NCKAP5: variants seen among roughly 807,000 people sequenced by gnomAD.
The protein encoded by NCKAP5 is nck-associated protein 5.
In NCKAP5, 92 loss-of-function variants were observed where a neutral mutation model predicts 167.0. The ratio of observed to expected loss-of-function variants is 0.55; its 90% CI spans 0.47 to 0.66. The LOEUF (loss-of-function observed/expected upper bound fraction) is 0.66. Ranked by LOEUF, NCKAP5 falls within the 30% of genes least tolerant of loss-of-function variation. NCKAP5 has a pLI of 0.00. For synonymous variants in NCKAP5, 891 were observed against 877.4 expected, an observed-to-expected ratio of 1.02 and a Z score of -0.27; for missense variants, 2,378 against 2,315.0, an observed-to-expected ratio of 1.03 and a Z score of -0.56.
intron 3 of NCKAP5, among the ~76,000 whole-genome samples, chr2:133,371,827 G>T (rs780642296): frequency 6.6e-6 from 1 of 151,864 alleles, no homozygotes; most frequent in Non-Finnish European, 1.5e-5. Flanking sequence ...TTCCTTACTG[G>T]GCTTCCTCTT....
intron 3 of NCKAP5, among the ~76,000 whole-genome samples, chr2:133,499,656 T>A (rs1378934324): frequency 6.6e-6 from 1 of 152,126 alleles, no homozygotes. Flanking sequence ...GCCTCCCGGG[T>A]TCAAGTGATT....
At chr2:133,468,397 C>A (rs1359364625) in intron 3 of NCKAP5, among the ~76,000 whole-genome samples, 2 of 149,832 alleles carry the variant, frequency 1.3e-5, no homozygotes, top group African/African-American at 5.0e-5. Flanking sequence ...AATTTCTGTT[C>A]TTTTACATTT....
At chr2:133,342,582 G>T (rs1327608778) in intron 3 of NCKAP5, among the ~76,000 whole-genome samples, 2 of 152,084 alleles carry the variant, frequency 1.3e-5, no homozygotes, top group Non-Finnish European at 1.5e-5. Context: ...TTTTCCAGAG[G>T]TATTTTGTTC....
Position 133,533,180 on chromosome 2 carries a change from G to C in NCKAP5, c.-61-15593C>G, listed in dbSNP as rs566063895. On this transcript the variant is annotated intron_variant, in intron 2 of 19. Transcript: ENST00000409261. Reference sequence around the variant, plus strand: ...TATGTTGGGAAGGTAACGTAAATGCGTGAAGCCGCCCCTGGGAGCTGTGCC... The same window carrying C: ...TATGTTGGGAAGGTAACGTAAATGCCTGAAGCCGCCCCTGGGAGCTGTGCC... Among the ~76,000 whole-genome samples, 64 of 152,332 alleles carry C rather than the reference G, an allele frequency of 4.2e-4. 1 individual carries two copies. The South Asian group carries it at 0.013, about 31-fold the overall frequency.
chr2:132,976,348 A>G (rs2076976133), intron 7 of NCKAP5, among the ~76,000 whole-genome samples: 2 of 152,110 alleles, frequency 1.3e-5, no homozygotes, highest in Admixed American at 1.3e-4. Context: ...GTGGATCATG[A>G]GGTCAGGAGT....
At chr2:132,794,971 A>C (rs544190959) in intron 12 of NCKAP5, among the ~76,000 whole-genome samples, 1 of 152,284 alleles carries the variant, frequency 6.6e-6, no homozygotes, top group East Asian at 1.9e-4. Flanking sequence ...AAGAGAACTG[A>C]AGGGGGCCAA....
rs117693477 is a variant in NCKAP5 at position 133,489,000 on chromosome 2, G to T, written c.69+28458C>A. Reference sequence around the variant, plus strand: ...GCTACTTGGGGAGCTAAGGCAGGAGGATCATTTGAGACTAGGAGTTTGAGG... The same window carrying T: ...GCTACTTGGGGAGCTAAGGCAGGAGTATCATTTGAGACTAGGAGTTTGAGG... On this transcript the variant is annotated intron_variant, in intron 3 of 19. Transcript: ENST00000409261. Among the ~76,000 whole-genome samples, 317 of 152,234 alleles carry T rather than the reference G, an allele frequency of 2.1e-3. 7 individuals carry two copies. In the East Asian group the frequency reaches 0.049, roughly 24 times the overall value.
In NCKAP5 at chr2:132,783,561, C is replaced by A. The variant is rs772825378; in HGVS notation, c.3250G>T (p.Val1084Leu). The A allele has an allele frequency of 6.8e-6, 11 of 1,613,814 alleles. No individual in the cohort carries two copies. Reference sequence around the variant, plus strand: ...AATTGTCCTTTTCTCCCTGGAGATACACTTTTGGAGGACGTCATTTCCAGT... The same window carrying A: ...AATTGTCCTTTTCTCCCTGGAGATAAACTTTTGGAGGACGTCATTTCCAGT... The part of the protein sequence containing the change: ...EPLEMTSSKS[V>L]SPGRKGQLND... The change falls in exon 14 of 20, where the codon GTA becomes TTA. Residue 1084 changes from valine to leucine, a missense_variant. Val to Leu is a conservative substitution (Grantham distance 32). Around this residue, in one of 3 missense-constraint regions of NCKAP5, gnomAD observed 1,325 missense variants for 1,274.5 expected, o/e 1.04. Transcript: ENST00000409261.
chr2:132,963,940 G>A, intron 7 of NCKAP5, 71 bp from the exon 8 acceptor site: 1 of 1,550,852 alleles, frequency 6.4e-7, no homozygotes, highest in Non-Finnish European at 8.8e-7. Context: ...AGGCTGAAAA[G>A]GCTGGAATCA....
At chr2:132,767,502 T>G (rs948212607) in intron 16 of NCKAP5, among the ~76,000 whole-genome samples, 2 of 152,154 alleles carry the variant, frequency 1.3e-5, no homozygotes, top group African/African-American at 4.8e-5. Context: ...CGCCTTGGCC[T>G]CCTAGTGCTG....
chr2:132,887,353 A>ATCCATCTT (rs1553469588), intron 8 of NCKAP5, among the ~76,000 whole-genome samples: 11 of 128,466 alleles, frequency 8.6e-5, no homozygotes, highest in South Asian at 2.4e-4. Context: ...CTATCTATCC[A>ATCCATCTT]TCCATCCATC....
chr2:133,415,681 A>C (rs550455131), intron 3 of NCKAP5, among the ~76,000 whole-genome samples: 6 of 152,286 alleles, frequency 3.9e-5, no homozygotes, highest in African/African-American at 1.2e-4. Context: ...ATTAAGCTAA[A>C]CTCCAATCCC....
At chr2:133,062,389 T>C (rs2080039093) in intron 6 of NCKAP5, among the ~76,000 whole-genome samples, 1 of 152,350 alleles carries the variant, frequency 6.6e-6, no homozygotes, top group South Asian at 2.1e-4. Context: ...AAGTGTATTA[T>C]GCAGATTTGG....
chr2:132,771,527 A>T (rs1264316494), intron 16 of NCKAP5, among the ~76,000 whole-genome samples: 2 of 152,182 alleles, frequency 1.3e-5, no homozygotes, highest in African/African-American at 4.8e-5. Flanking sequence ...GTGTAGCCTA[A>T]GTGTACAGTG....
intron 3 of NCKAP5, among the ~76,000 whole-genome samples, chr2:133,469,601 C>A (rs7573467): frequency 0.48 from 72,879 of 150,922 alleles, 18,873 homozygotes; most frequent in East Asian, 0.7. Flanking sequence ...TATCCTGCAG[C>A]GTGTTTTCCA....
At chr2:133,144,301 A>G (rs1479361927) in intron 5 of NCKAP5, among the ~76,000 whole-genome samples, 1 of 152,116 alleles carries the variant, frequency 6.6e-6, no homozygotes, top group African/African-American at 2.4e-5. Context: ...TAATACATAG[A>G]CTAATGTGTG....
intron 10 of NCKAP5, among the ~76,000 whole-genome samples, chr2:132,861,582 T>G (rs977121782): frequency 6.6e-6 from 1 of 152,092 alleles, no homozygotes; most frequent in Admixed American, 6.5e-5. Context: ...ACGCATTCCT[T>G]CTACCTTCTT....
chr2:133,651,796 G>A, the NCKAP5 span, among the ~76,000 whole-genome samples: 1 of 152,116 alleles, frequency 6.6e-6, no homozygotes. Flanking sequence ...ACATGTATAC[G>A]CATTCAATGG....
intron 6 of NCKAP5, among the ~76,000 whole-genome samples, chr2:133,088,053 C>A (rs2081053084): frequency 6.6e-6 from 1 of 152,144 alleles, no homozygotes; most frequent in Non-Finnish European, 1.5e-5. Context: ...CCTTAACATG[C>A]CTCCTCTCTC....
Sources: allele counts gnomAD v4.1 joint callset (sites outside exome capture counted in the v4.1 genomes callset), GRCh38; gene constraint gnomAD v4.1.1; regional missense constraint gnomAD v4.1.1; transcripts MANE v1.5; gene names NCBI Gene and HGNC (gene_info 2026-07-23, HGNC 2026-07-21).